TG: variants seen among roughly 807,000 people sequenced by gnomAD.
TG encodes the protein thyroglobulin.
TG carries 270 observed loss-of-function variants against 324.7 expected under a neutral mutation model. The observed-to-expected ratio is 0.83, with a 90% CI of 0.75 to 0.92. The LOEUF (loss-of-function observed/expected upper bound fraction) is 0.92. TG is among the 40% of genes least tolerant of loss of function. The probability of loss-of-function intolerance (pLI) is 0.00; values close to 1 mark genes in which losing one functional copy is unlikely to be tolerated. For synonymous variants in TG, 1,401 were observed against 1,327.0 expected (o/e 1.06, Z -1.21); for missense variants, 3,591 against 3,456.4 (o/e 1.04, Z -0.98).
intron 20 of TG, among the ~76,000 whole-genome samples, chr8:132,917,889 A>ATATT (rs528246451): frequency 7.2e-6 from 1 of 138,766 alleles, no homozygotes; most frequent in Non-Finnish European, 1.5e-5. Context: ...GGTTTTTGCA[A>ATATT]TTTTTTTTTT....
At chr8:133,002,721 CT>C in intron 35 of TG, 1 of 246,840 alleles carries the variant, frequency 4.1e-6, no homozygotes, top group South Asian at 6.0e-5. Context: ...CCCAGGTACC[CT>C]TCTCTTGGGC....
At chr8:133,033,109 C>T (rs1836783458) in intron 41 of TG, among the ~76,000 whole-genome samples, 1 of 152,180 alleles carries the variant, frequency 6.6e-6, no homozygotes, top group Non-Finnish European at 1.5e-5. Context: ...TCAGATAGGC[C>T]TGCATGAAGA....
In TG at chr8:133,117,896, T is replaced by C. The variant is rs116493109; in HGVS notation, c.7862+1180T>C. On this transcript the variant is annotated intron_variant, in intron 45 of 47. Coordinates refer to ENST00000220616, the MANE Select transcript of TG (RefSeq NM_003235.5). Reference sequence around the variant, plus strand: ...CCCGCTGTGCCATCATAGGTAGTTTTCTTTGTCTCTCTGATCTTCAATATC... The same window carrying C: ...CCCGCTGTGCCATCATAGGTAGTTTCCTTTGTCTCTCTGATCTTCAATATC... Among the ~76,000 whole-genome samples, 1,471 of 152,268 alleles carry C rather than the reference T, an allele frequency of 9.7e-3. 20 individuals are homozygous for C. The highest frequency in any genetic ancestry group is 0.034 in the African/African-American group (1,405 of 41,540).
At chr8:133,106,555 C>CGGGG in intron 43 of TG, 2 of 720,732 alleles carry the variant, frequency 2.8e-6, no homozygotes, top group Non-Finnish European at 3.4e-6. Flanking sequence ...CATCACTCCA[C>CGGGG]TGACCCCGTG....
intron 26 of TG, among the ~76,000 whole-genome samples, chr8:132,942,859 G>A (rs947508529): frequency 1.3e-5 from 2 of 152,212 alleles, no homozygotes; most frequent in African/African-American, 2.4e-5. Flanking sequence ...GTACTTAGAT[G>A]ACAGAGTGGG....
At chr8:132,922,174 T>A (rs1821198166) in intron 21 of TG, among the ~76,000 whole-genome samples, 1 of 152,212 alleles carries the variant, frequency 6.6e-6, no homozygotes, top group South Asian at 2.1e-4. Context: ...AATAGTATAA[T>A]GGAGGTACAT....
At chr8:132,998,622 T>C (rs1052700817) in intron 35 of TG, among the ~76,000 whole-genome samples, 2 of 152,116 alleles carry the variant, frequency 1.3e-5, no homozygotes, top group African/African-American at 4.8e-5. Flanking sequence ...ATGGATACCA[T>C]GGAGTGGGTG....
chr8:132,935,633 C>T, intron 24 of TG, 123 bp from the exon 25 acceptor site: 1 of 824,058 alleles, frequency 1.2e-6, no homozygotes, highest in African/African-American at 1.7e-5. Flanking sequence ...CTCCAATAGA[C>T]CAGGAGCAAC....
At chr8:133,007,896 G>T (rs1446986103) in intron 35 of TG, among the ~76,000 whole-genome samples, 1 of 151,828 alleles carries the variant, frequency 6.6e-6, no homozygotes, top group East Asian at 1.9e-4. Context: ...GTCAGTAAAG[G>T]GGACCCATAC....
chr8:132,969,435 A>G, intron 31 of TG, 23 bp from the exon 32 acceptor site: 1 of 1,516,860 alleles, frequency 6.6e-7, no homozygotes, highest in East Asian at 2.3e-5. Context: ...TAAGTAATGT[A>G]TTTTCTTTCT....
intron 45 of TG, among the ~76,000 whole-genome samples, chr8:133,126,763 C>G (rs1415862057): frequency 6.6e-6 from 1 of 151,252 alleles, no homozygotes; most frequent in Non-Finnish European, 1.5e-5. Flanking sequence ...AGCTTCTAGT[C>G]ATAAGTTATT....
intron 41 of TG, among the ~76,000 whole-genome samples, chr8:133,067,935 G>C (rs1029125975): frequency 4.6e-5 from 7 of 150,790 alleles, no homozygotes; most frequent in Admixed American, 1.3e-4. Flanking sequence ...GAGAGAGAAA[G>C]AAAGAAAGAG....
In TG at chr8:133,113,603, G is replaced by A. The variant is rs146323019; in HGVS notation, c.7754G>A (p.Arg2585Gln). The A allele has an allele frequency of 3.0e-5, 48 of 1,613,596 alleles. No homozygotes were observed. Among genetic ancestry groups the A allele is most frequent in the Admixed American group, 1.7e-4 (10 of 59,960 alleles). The change falls in exon 44 of 48, where the codon CGG becomes CAG. Residue 2585 changes from arginine (R) to glutamine (Q), a missense_variant and splice_region_variant. Physicochemically the swap from Arg to Gln is conservative, Grantham distance 43. Coordinates refer to ENST00000220616, the MANE Select transcript of TG (RefSeq NM_003235.5). ...TCCCGGGCTCTGGAGAATGCCACCC[G>A]GTAAGCTAAGCTGCAGGAGGGTGCA... ...SFSRALENAT[R>Q]DYFIICPIID...
At chr8:132,913,294 C>T (rs1819795692) in intron 20 of TG, 29 bp downstream of exon 20, 1 of 1,609,116 alleles carries the variant, frequency 6.2e-7, no homozygotes, top group Non-Finnish European at 8.5e-7. Flanking sequence ...TGGATATCTC[C>T]TGTGGAGCCA....
At chr8:133,021,342 G>A (rs981376211) in intron 39 of TG, among the ~76,000 whole-genome samples, 2 of 152,112 alleles carry the variant, frequency 1.3e-5, no homozygotes, top group African/African-American at 4.8e-5. Flanking sequence ...ATGCTTTTTT[G>A]GAATAAACCA....
rs56718259 is a variant in TG, at chr8:132,935,717, G to A, written c.4933-39G>A. 7.6e-3 allele frequency: 11,672 copies of A among 1,526,698 alleles called. 753 individuals carry two copies. In the African/African-American group the frequency reaches 0.14, roughly 18 times the overall value. 94.6% of individuals were successfully genotyped at this position (1,526,698 alleles called of 1,614,324 possible). A position where few individuals can be genotyped will look rare whatever the true frequency, so the allele number is the denominator to read the frequency against. ...AATGTTTGTTGGATTGAATTATAAAGTATTGCAGGATAATAATGCAGCATC... is the reference window on the plus strand; with the variant it reads ...AATGTTTGTTGGATTGAATTATAAAATATTGCAGGATAATAATGCAGCATC... On this transcript the variant is annotated intron_variant, in intron 24 of 47. Transcript: ENST00000220616.
chr8:132,988,968 G>A, intron 35 of TG: 5 of 906,656 alleles, frequency 5.5e-6, no homozygotes, highest in Non-Finnish European at 6.6e-6. Flanking sequence ...GAAGAAAGAG[G>A]TTTAATTGGA....
intron 41 of TG, among the ~76,000 whole-genome samples, chr8:133,042,841 C>G (rs1838569348): frequency 6.6e-6 from 1 of 151,700 alleles, no homozygotes; most frequent in African/African-American, 2.4e-5. Flanking sequence ...TTACAGGCGC[C>G]CACCACCACA....
At chr8:132,921,694 T>C (rs1821131626) in intron 21 of TG, among the ~76,000 whole-genome samples, 1 of 152,238 alleles carries the variant, frequency 6.6e-6, no homozygotes, top group African/African-American at 2.4e-5. Flanking sequence ...TCCTACATTT[T>C]ATAACTTAGC....
Sources: gnomAD v4.1 joint callset for allele counts (sites outside exome capture counted in the v4.1 genomes callset) on GRCh38, gnomAD v4.1.1 for gene constraint, MANE v1.5 for transcripts, NCBI Gene and HGNC (gene_info 2026-07-23, HGNC 2026-07-21) for gene names.